NBEAL1: variants seen among roughly 807,000 people sequenced by gnomAD.
NBEAL1 encodes neurobeachin like 1, also known as neurobeachin-like protein 1.
In NBEAL1, 273 loss-of-function variants were observed where a neutral mutation model predicts 351.3. That is an observed-to-expected ratio of 0.78 (90% CI 0.70 to 0.86). The LOEUF (loss-of-function observed/expected upper bound fraction) is 0.86, where lower values mean the gene tolerates loss of function less well. Ranked by LOEUF, NBEAL1 falls within the 40% of genes least tolerant of loss-of-function variation. The probability of loss-of-function intolerance (pLI) is 0.00; values close to 1 mark genes in which losing one functional copy is unlikely to be tolerated. For missense variants in NBEAL1, 2,961 were observed against 3,201.3 expected (o/e 0.92, Z 1.81); for synonymous variants, 1,050 against 1,086.4 (o/e 0.97, Z 0.66).
chr2:203,165,359 C>G (rs1439626393), intron 36 of NBEAL1, among the ~76,000 whole-genome samples: 4 of 152,144 alleles, frequency 2.6e-5, no homozygotes, highest in African/African-American at 9.7e-5. Flanking sequence ...TGGTAATGCT[C>G]TCTAGTTTTA....
chr2:203,131,471 C>G (rs967067154), intron 25 of NBEAL1, among the ~76,000 whole-genome samples: 1 of 152,200 alleles, frequency 6.6e-6, no homozygotes, highest in African/African-American at 2.4e-5. Flanking sequence ...CTGCCTCAGC[C>G]TCGCTAAGTG....
chr2:203,087,898 A>G (rs2061997315), intron 10 of NBEAL1, among the ~76,000 whole-genome samples: 2 of 152,216 alleles, frequency 1.3e-5, no homozygotes, highest in Admixed American at 1.3e-4. Flanking sequence ...ATAAAGTTGA[A>G]AATCGATTAA....
At chr2:203,147,744 G>GT (rs1163147439) in intron 33 of NBEAL1, among the ~76,000 whole-genome samples, 3 of 151,764 alleles carry the variant, frequency 2.0e-5, no homozygotes, top group Non-Finnish European at 4.4e-5. Context: ...TCATTTACTA[G>GT]TTTTTTTCTT....
intron 27 of NBEAL1, among the ~76,000 whole-genome samples, chr2:203,134,941 C>T (rs1482741081): frequency 2.0e-5 from 3 of 151,986 alleles, no homozygotes; most frequent in East Asian, 1.9e-4. Context: ...TTTGGGAAGC[C>T]GAGGCAGGCA....
chr2:203,017,776 CAGAT>C lies in NBEAL1; in HGVS notation c.51+1344_51+1347del, dbSNP rs772836149. On this transcript the variant is annotated intron_variant, in intron 2 of 55. Transcript: ENST00000683969. ...AAATTTAATATTAAAGCTTATTAAA[CAGAT>C]AGTATAGTTCATTGGCATACACTGA... is the stretch of plus-strand genomic sequence containing the variant. 8.7e-4 allele frequency among the ~76,000 whole-genome samples: 132 copies of C among 152,026 alleles called. 1 individual carries two copies. The highest frequency in any genetic ancestry group is 1.4e-3 in the Non-Finnish European group (95 of 67,904).
intron 20 of NBEAL1, 66 bp from the exon 21 acceptor site, chr2:203,125,894 T>C: frequency 7.6e-7 from 1 of 1,310,458 alleles, no homozygotes; most frequent in Non-Finnish European, 1.0e-6. Flanking sequence ...TGCATTAAGA[T>C]ATAGAAAATG....
chr2:203,098,887 G>A (rs1012632726), intron 11 of NBEAL1, among the ~76,000 whole-genome samples: 2 of 152,138 alleles, frequency 1.3e-5, no homozygotes, highest in Non-Finnish European at 2.9e-5. Flanking sequence ...TTGGAAACTA[G>A]ATAAACAAGA....
intron 49 of NBEAL1, 141 bp from the exon 50 acceptor site, chr2:203,201,400 GTC>G: frequency 1.8e-6 from 1 of 544,950 alleles, no homozygotes. Context: ...TTTTCTGAAA[GTC>G]TATCGTTTAT....
At position 203,199,417 on chromosome 2, in the gene NBEAL1, T is replaced by TGTAATTA; in HGVS notation, c.7208_7209insGTAATTA (p.Phe2403LeufsTer2). 2.5e-6 allele frequency: 4 copies of TGTAATTA among 1,601,834 alleles called. No homozygotes were observed. The highest frequency in any genetic ancestry group is 3.4e-6 in the Non-Finnish European group (4 of 1,169,886). ...AGAAACATTTCTAATTACTTTACATTCATCAAGGATCAAACTGTGACAAAT... is the reference window on the plus strand; with the variant it reads ...AGAAACATTTCTAATTACTTTACATTGTAATTACATCAAGGATCAAACTGTGACAAAT... On this transcript the variant is annotated stop_gained and frameshift_variant, in exon 49 of 56. Transcript: ENST00000683969. LOFTEE classifies it high-confidence loss of function.
chr2:203,056,507 A>G lies in NBEAL1; in HGVS notation c.386A>G (p.Gln129Arg). Residue 129 changes from glutamine to arginine, a missense_variant and splice_region_variant, in exon 5 of 56, where the codon CAA becomes CGA. By Grantham distance (43) the Gln-to-Arg change is conservative. Coordinates refer to ENST00000683969, the MANE Select transcript of NBEAL1 (RefSeq NM_001378026.1). Reference sequence around the variant, plus strand: ...ACCATGACAACACTCTATATTCAGCAAGTAGGTGTGAACTAATCTTTTTTG... The same window carrying G: ...ACCATGACAACACTCTATATTCAGCGAGTAGGTGTGAACTAATCTTTTTTG... The part of the protein sequence containing the change: ...VITMTTLYIQ[Q>R]LKSKKKEKEM... 1 of 1,517,012 alleles carries G rather than the reference A, an allele frequency of 6.6e-7. No homozygotes were observed. The highest frequency in any genetic ancestry group is 2.4e-5 in the East Asian group (1 of 41,554). 94.0% of individuals were successfully genotyped at this position (1,517,012 alleles called of 1,614,324 possible).
chr2:203,046,564 A>T (rs1233825803), intron 3 of NBEAL1, among the ~76,000 whole-genome samples: 1 of 152,076 alleles, frequency 6.6e-6, no homozygotes, highest in Admixed American at 6.5e-5. Flanking sequence ...GGAAGCTGGG[A>T]AGTCTAAGAT....
chr2:203,146,517 G>A (rs774741529), intron 33 of NBEAL1, among the ~76,000 whole-genome samples: 5 of 152,140 alleles, frequency 3.3e-5, no homozygotes, highest in Non-Finnish European at 7.3e-5. Flanking sequence ...ATTAGATCAA[G>A]CACAGAGGCT....
chr2:203,113,084 G>A lies in NBEAL1; in HGVS notation c.2272G>A (p.Asp758Asn). 1.9e-6 allele frequency: 3 copies of A among 1,549,804 alleles called. No individual in the cohort carries two copies. The highest frequency in any genetic ancestry group is 2.6e-6 in the Non-Finnish European group (3 of 1,146,080). ...CACTCCTCCACCATCCCAAATCCCA[G>A]ATCCACCTTTCTCTTCTCCCATTAC... ...TTTPPPSQIP[D>N]PPFSSPITPH... Residue 758 changes from aspartate (D) to asparagine (N), a missense_variant, in exon 17 of 56, where the codon GAT becomes AAT. Transcript: ENST00000683969.
At chr2:203,081,468 T>C (rs1461628032) in intron 8 of NBEAL1, among the ~76,000 whole-genome samples, 7 of 152,248 alleles carry the variant, frequency 4.6e-5, no homozygotes, top group Non-Finnish European at 8.8e-5. Flanking sequence ...ATAATATATG[T>C]ACAGCACTTA....
rs1402496216 is a variant in NBEAL1 at position 203,221,719 on chromosome 2, A to G, written c.*4365A>G. 1.3e-5 allele frequency among the ~76,000 whole-genome samples: 2 copies of G among 152,208 alleles called. No individual in the cohort carries two copies. Among genetic ancestry groups the G allele is most frequent in the African/African-American group, 4.8e-5 (2 of 41,458 alleles). ...TTTTTGCTGAATTCGTATATTGTAT[A>G]TGCTCAACATATTATTTGTTTTAAA... is the stretch of plus-strand genomic sequence containing the variant. On this transcript the variant is annotated 3_prime_UTR_variant, in exon 56 of 56. Transcript: ENST00000683969.
chr2:203,086,637 C>T (rs1350882104), intron 10 of NBEAL1, among the ~76,000 whole-genome samples: 4 of 152,102 alleles, frequency 2.6e-5, no homozygotes, highest in African/African-American at 7.2e-5. Flanking sequence ...TGGGTTCAAG[C>T]GATTCTCCTG....
At chr2:203,031,979 T>G (rs1002728219) in intron 2 of NBEAL1, among the ~76,000 whole-genome samples, 1 of 152,202 alleles carries the variant, frequency 6.6e-6, no homozygotes, top group Non-Finnish European at 1.5e-5. Flanking sequence ...TTTCCGAAAT[T>G]AGGCTATGAA....
chr2:203,205,606 T>G (rs2065529707), intron 51 of NBEAL1, among the ~76,000 whole-genome samples: 1 of 152,238 alleles, frequency 6.6e-6, no homozygotes, highest in Admixed American at 6.5e-5. Context: ...TGAATTTTTA[T>G]AATAAACCCA....
At chr2:203,073,263 C>T (rs2061711744) in intron 7 of NBEAL1, among the ~76,000 whole-genome samples, 1 of 152,104 alleles carries the variant, frequency 6.6e-6, no homozygotes, top group Non-Finnish European at 1.5e-5. Context: ...CTCAGATTTT[C>T]TATTTCTTCT....
Sources: gnomAD v4.1 joint callset for allele counts (sites outside exome capture counted in the v4.1 genomes callset) on GRCh38, gnomAD v4.1.1 for gene constraint, MANE v1.5 for transcripts, NCBI Gene and HGNC (gene_info 2026-07-23, HGNC 2026-07-21) for gene names.